The following DLGAP2 variants were observed in gnomAD, a reference collection of about 807,000 sequenced individuals.
The protein encoded by DLGAP2 is DLG associated protein 2, also known as disks large-associated protein 2.
DLGAP2 carries 26 observed loss-of-function variants against 100.3 expected under a neutral mutation model. The ratio of observed to expected loss-of-function variants is 0.26; its 90% confidence interval spans 0.19 to 0.36. The LOEUF (loss-of-function observed/expected upper bound fraction) is 0.36, where lower values mean the gene tolerates loss of function less well. Among genes scored for constraint, DLGAP2 ranks in the 10% least tolerant of loss-of-function variants. The pLI is 1.00. For missense variants in DLGAP2, 1,858 were observed against 1,453.2 expected (o/e 1.28, Z -4.53); for synonymous variants, 886 against 630.1 (o/e 1.41, Z -6.08).
intron 3 of DLGAP2, among the ~76,000 whole-genome samples, chr8:1,389,231 C>G (rs1030315837): frequency 6.8e-6 from 1 of 148,050 alleles, no homozygotes; most frequent in Non-Finnish European, 1.5e-5. Flanking sequence ...AGGAGCGGTA[C>G]TCTGGAGGAG....
chr8:1,236,327 T>TAC (rs1798654470), intron 2 of DLGAP2, among the ~76,000 whole-genome samples: 1 of 63,484 alleles, frequency 1.6e-5, no homozygotes, highest in Non-Finnish European at 3.3e-5. Context: ...CGTGTCTGGT[T>TAC]CTCTCACATG....
intron 3 of DLGAP2, among the ~76,000 whole-genome samples, chr8:1,303,372 G>C (rs1800408255): frequency 1.3e-5 from 2 of 149,330 alleles, no homozygotes; most frequent in African/African-American, 5.0e-5. Flanking sequence ...ACTCCAGCCT[G>C]GGCGACAGAG....
chr8:1,032,214 G>T (rs1801995326), intron 2 of DLGAP2, among the ~76,000 whole-genome samples: 1 of 152,246 alleles, frequency 6.6e-6, no homozygotes, highest in South Asian at 2.1e-4. Flanking sequence ...GCTCATAGTA[G>T]GAGGGGCAGC....
chr8:916,734 C>G (rs1210579354), intron 2 of DLGAP2, among the ~76,000 whole-genome samples: 1 of 152,200 alleles, frequency 6.6e-6, no homozygotes, highest in African/African-American at 2.4e-5. Flanking sequence ...GAGGGGCACC[C>G]AAGTCACCCA....
chr8:1,275,624 G>C (rs1225901073), intron 3 of DLGAP2, among the ~76,000 whole-genome samples: 1 of 149,124 alleles, frequency 6.7e-6, no homozygotes, highest in Non-Finnish European at 1.5e-5. Flanking sequence ...GAAGTTTATA[G>C]GAAAAGGGTC....
intron 6 of DLGAP2, among the ~76,000 whole-genome samples, chr8:1,610,813 C>T (rs1412843349): frequency 3.2e-5 from 4 of 124,584 alleles, no homozygotes; most frequent in Non-Finnish European, 6.3e-5. Flanking sequence ...TTGCTCGACA[C>T]ATACACTGTC....
rs1473153439 is a variant in DLGAP2 at position 1,641,101 on chromosome 8, C to A, written c.1810+8055C>A. ...CGGAGTTAGGACAGGAGCCCCTGGTCTGTGCTGTAGAGAAGGAGTGGAACC... is the reference window on the plus strand; with the variant it reads ...CGGAGTTAGGACAGGAGCCCCTGGTATGTGCTGTAGAGAAGGAGTGGAACC... On this transcript the variant is annotated intron_variant, in intron 8 of 14. Transcript: ENST00000637795. 2.6e-5 allele frequency among the ~76,000 whole-genome samples: 4 copies of A among 152,242 alleles called. No individual in the cohort carries two copies. The South Asian group carries it at 8.3e-4, about 32-fold the overall frequency.
chr8:1,362,179 G>T (rs1165719560), intron 3 of DLGAP2, among the ~76,000 whole-genome samples: 3 of 152,168 alleles, frequency 2.0e-5, no homozygotes, highest in Non-Finnish European at 4.4e-5. Context: ...CACTGGCAGG[G>T]GAGGGCAGGG....
At chr8:1,476,323 A>G (rs916930383) in intron 3 of DLGAP2, among the ~76,000 whole-genome samples, 1 of 152,192 alleles carries the variant, frequency 6.6e-6, no homozygotes, top group African/African-American at 2.4e-5. Context: ...TGAGAGAGCA[A>G]TACAATCCTA....
intron 2 of DLGAP2, among the ~76,000 whole-genome samples, chr8:926,198 A>C (rs1280622425): frequency 2.0e-5 from 3 of 152,000 alleles, no homozygotes; most frequent in Non-Finnish European, 2.9e-5. Context: ...TCCAGAGCCC[A>C]CGCCCACCAC....
intron 3 of DLGAP2, among the ~76,000 whole-genome samples, chr8:1,318,114 GTGGT>G (rs1800808282): frequency 1.0e-5 from 1 of 98,916 alleles, no homozygotes; most frequent in African/African-American, 3.8e-5. Context: ...CTCTCCAACA[GTGGT>G]CTACACTCGA....
At chr8:1,183,055 G>A (rs1453271599) in intron 2 of DLGAP2, among the ~76,000 whole-genome samples, 1 of 152,184 alleles carries the variant, frequency 6.6e-6, no homozygotes, top group African/African-American at 2.4e-5. Flanking sequence ...CCAGCAGCGG[G>A]ACCTACTGGA....
chr8:856,907 A>G (rs554231379), intron 1 of DLGAP2, among the ~76,000 whole-genome samples: 2 of 152,380 alleles, frequency 1.3e-5, no homozygotes, highest in East Asian at 3.9e-4. Flanking sequence ...CAGAAGACCC[A>G]GACAAGTTAA....
chr8:965,662 A>AC lies in DLGAP2; in HGVS notation c.73+57700dup, dbSNP rs1274899480. On this transcript the variant is annotated intron_variant, in intron 2 of 14. Transcript: ENST00000637795. ...TCACCACACAGGGCTCCTGAGTCTG[A>AC]CCCCGCACTGCACACGGCACTGTTC... is the stretch of plus-strand genomic sequence containing the variant. Among the ~76,000 whole-genome samples, 57 of 117,428 alleles carry AC rather than the reference A, an allele frequency of 4.9e-4. 1 individual carries two copies. The highest frequency in any genetic ancestry group is 1.9e-3 in the African/African-American group (50 of 26,742). The allele number at this position is 117,428 out of a possible 152,430, so 77.0% of individuals were successfully genotyped here.
chr8:960,523 C>A (rs770795812), intron 2 of DLGAP2, among the ~76,000 whole-genome samples: 1 of 152,062 alleles, frequency 6.6e-6, no homozygotes, highest in Non-Finnish European at 1.5e-5. Flanking sequence ...GCATGGGCCA[C>A]CACTCCCGGC....
intron 2 of DLGAP2, among the ~76,000 whole-genome samples, chr8:1,001,946 CAT>C (rs1210175744): frequency 1.1e-4 from 17 of 152,182 alleles, no homozygotes; most frequent in Non-Finnish European, 1.5e-4. Flanking sequence ...TAAAAATGGT[CAT>C]ATGAACCGGG....
Position 985,249 on chromosome 8 carries a change from A to G in DLGAP2, c.73+77283A>G, listed in dbSNP as rs116124664. On this transcript the variant is annotated intron_variant, in intron 2 of 14. Transcript: ENST00000637795. ...GTCCGAAGGCCTGGCTCAGCTCTCCACACCCACTGTCCGTAGATGTGTGTC... is the reference window on the plus strand; with the variant it reads ...GTCCGAAGGCCTGGCTCAGCTCTCCGCACCCACTGTCCGTAGATGTGTGTC... Among the ~76,000 whole-genome samples, 330 of 152,294 alleles carry G rather than the reference A, an allele frequency of 2.2e-3. 2 individuals are homozygous for G. Among genetic ancestry groups the G allele is most frequent in the African/African-American group, 7.7e-3 (321 of 41,570 alleles).
intron 2 of DLGAP2, among the ~76,000 whole-genome samples, chr8:987,646 C>T (rs540855300): frequency 4.3e-4 from 65 of 152,278 alleles, no homozygotes; most frequent in Non-Finnish European, 7.2e-4. Context: ...TACTGCAGCT[C>T]GTGGGAATCC....
At position 1,335,417 on chromosome 8, in the gene DLGAP2, G is replaced by C. The variant is rs139241938; in HGVS notation, c.106+76534G>C. Among the ~76,000 whole-genome samples, 385 of 152,316 alleles carry C rather than the reference G, an allele frequency of 2.5e-3. 4 individuals carry two copies. Among genetic ancestry groups the C allele is most frequent in the South Asian group, 0.014 (68 of 4,812 alleles). ...AGCAACACATGAGTGTGTTCTGTGGGCTGACACTATGCTGTGTCCAGAGAC... is the reference window on the plus strand; with the variant it reads ...AGCAACACATGAGTGTGTTCTGTGGCCTGACACTATGCTGTGTCCAGAGAC... On this transcript the variant is annotated intron_variant, in intron 3 of 14. Coordinates refer to ENST00000637795, the MANE Select transcript of DLGAP2 (RefSeq NM_001346810.2).
Sources: gnomAD v4.1 joint callset for allele counts (sites outside exome capture counted in the v4.1 genomes callset) on GRCh38, gnomAD v4.1.1 for gene constraint, MANE v1.5 for transcripts, NCBI Gene and HGNC (gene_info 2026-07-23, HGNC 2026-07-21) for gene names.